Variants in PGBD5 observed in about 807,000 individuals in gnomAD.
PGBD5 encodes the protein piggyBac transposable element derived 5.
In PGBD5, 14 loss-of-function variants were observed where a neutral mutation model predicts 47.9. The observed-to-expected ratio is 0.29, with a 90% confidence interval of 0.19 to 0.46. PGBD5 has a LOEUF of 0.46. Among genes scored for constraint, PGBD5 ranks in the 20% least tolerant of loss-of-function variants. The probability of loss-of-function intolerance (pLI) is 1.00; values close to 1 mark genes in which losing one functional copy is unlikely to be tolerated. For missense variants in PGBD5, 635 were observed against 716.0 expected (o/e 0.89, Z 1.29); for synonymous variants, 316 against 306.3 (o/e 1.03, Z -0.33).
At chr1:230,390,158 A>G (rs1656750793) in intron 1 of PGBD5, among the ~76,000 whole-genome samples, 1 of 152,186 alleles carries the variant, frequency 6.6e-6, no homozygotes, top group African/African-American at 2.4e-5. Flanking sequence ...CCCTGCAACC[A>G]GAAGAACTCA....
chr1:230,351,122 A>T, intron 2 of PGBD5, 30 bp from the exon 3 acceptor site: 1 of 1,600,270 alleles, frequency 6.2e-7, no homozygotes, highest in Non-Finnish European at 8.5e-7. Context: ...AGAGGCTCTC[A>T]CGGAAGGCAG....
intron 1 of PGBD5, among the ~76,000 whole-genome samples, chr1:230,412,330 A>G (rs1192531030): frequency 6.6e-6 from 1 of 152,142 alleles, no homozygotes; most frequent in Admixed American, 6.6e-5. Flanking sequence ...TAAGAAAATC[A>G]TAAGGCAGAA....
At chr1:230,341,468 C>G (rs1667407015) in intron 3 of PGBD5, among the ~76,000 whole-genome samples, 1 of 152,204 alleles carries the variant, frequency 6.6e-6, no homozygotes, top group African/African-American at 2.4e-5. Flanking sequence ...ACAAGCTATG[C>G]TAATGATCTC....
At chr1:230,401,510 G>A (rs563599157) in intron 1 of PGBD5, among the ~76,000 whole-genome samples, 12 of 152,270 alleles carry the variant, frequency 7.9e-5, no homozygotes, top group Non-Finnish European at 1.5e-4. Context: ...AACGACCCTT[G>A]AGCAGATCCT....
chr1:230,408,370 G>A (rs1657343131), intron 1 of PGBD5, among the ~76,000 whole-genome samples: 1 of 152,098 alleles, frequency 6.6e-6, no homozygotes. Context: ...TGCATGTAAT[G>A]TAAAAGAACA....
rs768675324 is a variant in PGBD5 at position 230,325,290 on chromosome 1, G to A, written c.1379+20C>T. 3 of 1,570,526 alleles carry A rather than the reference G, an allele frequency of 1.9e-6. No homozygotes were observed. The highest frequency in any genetic ancestry group is 2.3e-5 in the East Asian group (1 of 44,312). ...ACAACTATGAGAGCCCTTCTGTCATGGAGGTGCCCAGCCACTTACTTGCTG... is the reference window on the plus strand; with the variant it reads ...ACAACTATGAGAGCCCTTCTGTCATAGAGGTGCCCAGCCACTTACTTGCTG... On this transcript the variant is annotated intron_variant, in intron 6 of 6. Coordinates refer to ENST00000391860, the MANE Select transcript of PGBD5 (RefSeq NM_001258311.2).
chr1:230,370,751 G>A (rs916889618), intron 1 of PGBD5, among the ~76,000 whole-genome samples: 1 of 152,168 alleles, frequency 6.6e-6, no homozygotes, highest in African/African-American at 2.4e-5. Flanking sequence ...GGGAGACTGT[G>A]CTGTTCCAAT....
chr1:230,380,216 T>A (rs1309224342), intron 1 of PGBD5, among the ~76,000 whole-genome samples: 4 of 152,208 alleles, frequency 2.6e-5, no homozygotes, highest in African/African-American at 4.8e-5. Context: ...CAAATGGACT[T>A]CCCTTGTAAT....
In PGBD5 at chr1:230,350,941, C is replaced by A; in HGVS notation, c.894+17G>T. The A allele has an allele frequency of 6.2e-7, 1 of 1,612,214 alleles. No homozygotes were observed. ...ACCCTCTTCACCGACCCTCCCCGGG[C>A]TCAGCCCAGGGCTCACCTGGATGAT... On this transcript the variant is annotated intron_variant, in intron 3 of 6. Coordinates refer to ENST00000391860, the MANE Select transcript of PGBD5 (RefSeq NM_001258311.2).
intron 1 of PGBD5, among the ~76,000 whole-genome samples, chr1:230,376,417 A>C (rs531869964): frequency 6.7e-6 from 1 of 149,706 alleles, no homozygotes; most frequent in Admixed American, 6.6e-5. Context: ...ACACCACCTC[A>C]GAATGATCCT....
chr1:230,375,719 A>G (rs1054941743), intron 1 of PGBD5, among the ~76,000 whole-genome samples: 3 of 143,492 alleles, frequency 2.1e-5, no homozygotes, highest in Non-Finnish European at 3.0e-5. Context: ...GAAAATATCC[A>G]GGAGGTCATT....
At chr1:230,383,377 T>TA (rs1312607484) in intron 1 of PGBD5, among the ~76,000 whole-genome samples, 2 of 150,962 alleles carry the variant, frequency 1.3e-5, no homozygotes, top group African/African-American at 2.4e-5. Flanking sequence ...ATTTTTTTTT[T>TA]AATTTTTGAG....
chr1:230,360,628 T>C (rs1667727468), intron 1 of PGBD5, among the ~76,000 whole-genome samples: 3 of 152,230 alleles, frequency 2.0e-5, no homozygotes, highest in Non-Finnish European at 4.4e-5. Context: ...TGCTGCTCTG[T>C]GAAGAAGGTG....
chr1:230,350,152 A>G (rs560086909), intron 3 of PGBD5, among the ~76,000 whole-genome samples: 2 of 152,354 alleles, frequency 1.3e-5, no homozygotes. Context: ...GCGTGCGGTC[A>G]GCAGTCACCA....
Position 230,357,232 on chromosome 1 carries a change from GCAC to G in PGBD5, c.418_420del (p.Val140del). 1 of 1,614,118 alleles carries G rather than the reference GCAC, an allele frequency of 6.2e-7. No individual in the cohort carries two copies. Among genetic ancestry groups the G allele is most frequent in the Non-Finnish European group, 8.5e-7 (1 of 1,180,020 alleles). Reference sequence around the variant, plus strand: ...AACTTCTTGGCATACATGTTTGTCTGCACCACCATGTTCTTGAGGACGTTGTCT... The same window carrying G: ...AACTTCTTGGCATACATGTTTGTCTGCACCATGTTCTTGAGGACGTTGTCT... On this transcript the variant is annotated inframe_deletion, in exon 2 of 7. Coordinates refer to ENST00000391860, the MANE Select transcript of PGBD5 (RefSeq NM_001258311.2). The surrounding 1 kb of genome is among the most constrained non-coding windows in gnomAD (Gnocchi z 5.7).
chr1:230,347,330 T>C (rs181514893), intron 3 of PGBD5, among the ~76,000 whole-genome samples: 1 of 152,072 alleles, frequency 6.6e-6, no homozygotes, highest in Admixed American at 6.6e-5. Context: ...AACTGGCTCA[T>C]GCAAATTACA....
At chr1:230,414,059 G>C (rs1657466299) in intron 1 of PGBD5, among the ~76,000 whole-genome samples, 1 of 152,188 alleles carries the variant, frequency 6.6e-6, no homozygotes, top group Non-Finnish European at 1.5e-5. Flanking sequence ...ACCCCAAGGT[G>C]CATGTGACTT....
chr1:230,406,384 G>A (rs1189340581), intron 1 of PGBD5, among the ~76,000 whole-genome samples: 1 of 148,316 alleles, frequency 6.7e-6, no homozygotes, highest in Non-Finnish European at 1.5e-5. Flanking sequence ...AGAGTAAAAT[G>A]TTGCAATAAT....
intron 1 of PGBD5, among the ~76,000 whole-genome samples, chr1:230,381,512 G>A (rs995451460): frequency 3.3e-5 from 5 of 152,312 alleles, no homozygotes; most frequent in Middle Eastern, 3.4e-3. Context: ...CCTGATCAGA[G>A]GCTGGACCCT....
Sources: gnomAD v4.1 joint callset for allele counts (sites outside exome capture counted in the v4.1 genomes callset) on GRCh38, gnomAD v4.1.1 for gene constraint, Gnocchi (gnomAD v3.1) non-coding constraint, MANE v1.5 for transcripts, NCBI Gene and HGNC (gene_info 2026-07-23, HGNC 2026-07-21) for gene names.